LOXHD1: variants seen among roughly 807,000 people sequenced by gnomAD.
LOXHD1 encodes the protein lipoxygenase homology domain-containing protein 1.
Under a neutral mutation model 248.2 loss-of-function variants are expected in LOXHD1, and 205 were observed. That is an observed-to-expected ratio of 0.83 (90% CI 0.74 to 0.93). The LOEUF is 0.93. LOXHD1 is among the 40% of genes least tolerant of loss of function. The probability of loss-of-function intolerance (pLI) is 0.00; values close to 1 mark genes in which losing one functional copy is unlikely to be tolerated. For synonymous variants in LOXHD1, 1,113 were observed against 1,162.8 expected (o/e 0.96, Z 0.87); for missense variants, 2,930 against 2,971.6 (o/e 0.99, Z 0.33).
intron 7 of LOXHD1, among the ~76,000 whole-genome samples, chr18:46,601,872 A>C (rs572310666): frequency 6.6e-6 from 1 of 152,338 alleles, no homozygotes; most frequent in Admixed American, 6.5e-5. Flanking sequence ...CAACTCCATT[A>C]ATGGAGATTT....
At position 46,639,655 on chromosome 18, in the gene LOXHD1, C is replaced by T; in HGVS notation, c.472G>A (p.Asp158Asn). The T allele has an allele frequency of 6.4e-7, 1 of 1,551,716 alleles. No homozygotes were observed. The highest frequency in any genetic ancestry group is 8.7e-7 in the Non-Finnish European group (1 of 1,146,984). ...ATGGGGTTGAAGCTGGCCAGCAGGT[C>T]ACGGCACCACTGGCGGTCACCTTCC... ...KVEGDRQWCR[D>N]LLASFNPMDM... Residue 158 changes from aspartate to asparagine, a missense_variant, in exon 4 of 41, where the codon GAC (aspartate) becomes AAC (asparagine). Transcript: ENST00000642948.
At chr18:46,588,102 T>G (rs1568203531) in intron 12 of LOXHD1, among the ~76,000 whole-genome samples, 1 of 152,068 alleles carries the variant, frequency 6.6e-6, no homozygotes, top group Non-Finnish European at 1.5e-5. Context: ...TGGTACCAGC[T>G]GGGAAAACGA....
intron 4 of LOXHD1, among the ~76,000 whole-genome samples, chr18:46,623,772 C>A (rs1390921365): frequency 2.0e-5 from 3 of 152,242 alleles, no homozygotes; most frequent in Non-Finnish European, 4.4e-5. Flanking sequence ...GCCTCCCCTG[C>A]GCTCTGTCTG....
intron 6 of LOXHD1, among the ~76,000 whole-genome samples, chr18:46,607,469 A>G (rs1261613161): frequency 6.6e-6 from 1 of 150,442 alleles, no homozygotes; most frequent in Non-Finnish European, 1.5e-5. Flanking sequence ...ATAATATGAT[A>G]CATATATATA....
intron 4 of LOXHD1, among the ~76,000 whole-genome samples, chr18:46,623,786 C>T (rs2038701190): frequency 6.6e-6 from 1 of 152,244 alleles, no homozygotes; most frequent in Admixed American, 6.5e-5. Flanking sequence ...CTGTCTGGAA[C>T]AGTCAGCACA....
chr18:46,519,507 G>A (rs1038964275), intron 33 of LOXHD1, among the ~76,000 whole-genome samples: 1 of 152,186 alleles, frequency 6.6e-6, no homozygotes, highest in African/African-American at 2.4e-5. Context: ...TTCAGGACAT[G>A]TTTGCTGAGG....
In LOXHD1 at chr18:46,610,893, G is replaced by C; in HGVS notation, c.642C>G (p.Asn214Lys). 1.3e-6 allele frequency: 2 copies of C among 1,551,794 alleles called. No individual in the cohort carries two copies. Among genetic ancestry groups the C allele is most frequent in the South Asian group, 2.4e-5 (2 of 84,054 alleles). Residue 214 changes from asparagine (N) to lysine (K), a missense_variant, in exon 6 of 41, where the codon AAC becomes AAG. Transcript: ENST00000642948. The stretch of plus-strand genomic sequence containing the variant: ...ACCTGTCTTCAGCTCCCTTTTCAAA[G>C]TTGTCCTTTTCATTTTCTAGCCTAC... ...GERRLENEKD[N>K]FEKGAEDRFI... is the part of the protein sequence containing the mutation.
At chr18:46,573,571 T>C (rs896650929) in intron 14 of LOXHD1, among the ~76,000 whole-genome samples, 5 of 152,196 alleles carry the variant, frequency 3.3e-5, no homozygotes, top group African/African-American at 4.8e-5. Flanking sequence ...GGCAACTCCC[T>C]GGCTACAGAG....
intron 4 of LOXHD1, among the ~76,000 whole-genome samples, chr18:46,624,044 A>G (rs2038705111): frequency 6.6e-6 from 1 of 152,246 alleles, no homozygotes; most frequent in Non-Finnish European, 1.5e-5. Flanking sequence ...GCAGAGAATC[A>G]TGAATGAACT....
At chr18:46,624,487 C>T (rs933447798) in intron 4 of LOXHD1, among the ~76,000 whole-genome samples, 1 of 152,210 alleles carries the variant, frequency 6.6e-6, no homozygotes, top group African/African-American at 2.4e-5. Context: ...GGCTCATGGC[C>T]ACCGACCAAT....
At chr18:46,496,810 C>T (rs1176498465) in intron 37 of LOXHD1, among the ~76,000 whole-genome samples, 1 of 152,116 alleles carries the variant, frequency 6.6e-6, no homozygotes, top group African/African-American at 2.4e-5. Flanking sequence ...TGAGTCCAGC[C>T]TGGCAAAAAT....
chr18:46,654,474 C>G (rs1469169175), intron 1 of LOXHD1, among the ~76,000 whole-genome samples: 2 of 152,194 alleles, frequency 1.3e-5, no homozygotes, highest in Admixed American at 6.5e-5. Context: ...ATGAGTTATT[C>G]TTCCCATCAT....
At chr18:46,540,649 T>C (rs1335950368) in intron 25 of LOXHD1, among the ~76,000 whole-genome samples, 1 of 135,018 alleles carries the variant, frequency 7.4e-6, no homozygotes, top group Non-Finnish European at 1.6e-5. Context: ...ATACAAACTC[T>C]TTATCTTTTT....
intron 12 of LOXHD1, among the ~76,000 whole-genome samples, chr18:46,587,674 T>A (rs1229640254): frequency 6.6e-6 from 1 of 152,226 alleles, no homozygotes; most frequent in Non-Finnish European, 1.5e-5. Flanking sequence ...AAATTACAGC[T>A]CTGATTAACG....
At chr18:46,613,978 T>C (rs1274489908) in intron 5 of LOXHD1, among the ~76,000 whole-genome samples, 3 of 152,228 alleles carry the variant, frequency 2.0e-5, no homozygotes, top group Non-Finnish European at 4.4e-5. Flanking sequence ...ATGCTTATCA[T>C]CACTGGCCAT....
chr18:46,622,252 G>A (rs1296491339), intron 4 of LOXHD1, among the ~76,000 whole-genome samples: 1 of 152,214 alleles, frequency 6.6e-6, no homozygotes, highest in Non-Finnish European at 1.5e-5. Context: ...CTCTGCTGTT[G>A]TGGCATGAAA....
At chr18:46,529,570 A>G (rs2035972821) in intron 28 of LOXHD1, among the ~76,000 whole-genome samples, 1 of 152,204 alleles carries the variant, frequency 6.6e-6, no homozygotes. Flanking sequence ...CCCCAAAAAT[A>G]GAAACTTTTT....
chr18:46,654,785 T>A (rs1401579888), intron 1 of LOXHD1, among the ~76,000 whole-genome samples: 1 of 152,182 alleles, frequency 6.6e-6, no homozygotes, highest in Non-Finnish European at 1.5e-5. Context: ...ACCGTTAGCA[T>A]CATCCACATT....
At chr18:46,557,710 A>G (rs571829431) in intron 20 of LOXHD1, among the ~76,000 whole-genome samples, 6 of 152,298 alleles carry the variant, frequency 3.9e-5, no homozygotes, top group Admixed American at 6.5e-5. Context: ...TCTCACTCTC[A>G]TGTCCAGGAA....
Sources: gnomAD v4.1 joint callset for allele counts (sites outside exome capture counted in the v4.1 genomes callset) on GRCh38, gnomAD v4.1.1 for gene constraint, MANE v1.5 for transcripts, NCBI Gene and HGNC (gene_info 2026-07-23, HGNC 2026-07-21) for gene names.